The following KAT6A variants were observed in gnomAD, a reference collection of about 807,000 sequenced individuals.
The protein encoded by KAT6A is histone acetyltransferase KAT6A.
A neutral mutation model predicts 198.4 loss-of-function variants in KAT6A; 9 were observed. The ratio of observed to expected loss-of-function variants is 0.05; its 90% confidence interval spans 0.03 to 0.08. The LOEUF (loss-of-function observed/expected upper bound fraction) is 0.08, where lower values mean the gene tolerates loss of function less well. KAT6A is among the 10% of genes least tolerant of loss of function. The pLI is 1.00. For missense variants in KAT6A, 2,077 were observed against 2,509.9 expected (o/e 0.83, Z 3.69); for synonymous variants, 890 against 883.0 (o/e 1.01, Z -0.14).
chr8:41,957,617 TTA>T (rs1245895689), intron 8 of KAT6A: 1 of 223,804 alleles, frequency 4.5e-6, no homozygotes, highest in East Asian at 1.3e-4. Flanking sequence ...ATATGCCAAA[TTA>T]TTTAAAAGAA....
intron 2 of KAT6A, among the ~76,000 whole-genome samples, chr8:42,004,327 C>G (rs1323213084): frequency 6.6e-6 from 1 of 151,942 alleles, no homozygotes; most frequent in African/African-American, 2.4e-5. Context: ...CTGAAGGATT[C>G]AGGAAAAAAA....
intron 8 of KAT6A, among the ~76,000 whole-genome samples, chr8:41,968,928 A>G (rs537878291): frequency 1.7e-4 from 26 of 152,158 alleles, no homozygotes; most frequent in Non-Finnish European, 3.1e-4. Flanking sequence ...ATTAAAACCA[A>G]TAAGTGGCTG....
chr8:42,024,875 C>T (rs1826722997), intron 2 of KAT6A, among the ~76,000 whole-genome samples: 1 of 152,064 alleles, frequency 6.6e-6, no homozygotes, highest in Non-Finnish European at 1.5e-5. Flanking sequence ...GATTCCATAT[C>T]TTGGCTATTG....
At chr8:41,942,635 C>T in intron 14 of KAT6A, 158 bp downstream of exon 14, 3 of 790,852 alleles carry the variant, frequency 3.8e-6, no homozygotes, top group Admixed American at 3.0e-5. Flanking sequence ...AAACCAGGTC[C>T]AGTCTTCTTG....
chr8:42,032,058 T>C (rs1827159098), intron 2 of KAT6A, among the ~76,000 whole-genome samples: 1 of 151,904 alleles, frequency 6.6e-6, no homozygotes, highest in Non-Finnish European at 1.5e-5. Flanking sequence ...GCCTCCCGAG[T>C]AGCTGGGACT....
intron 2 of KAT6A, among the ~76,000 whole-genome samples, chr8:42,039,572 G>GTAT (rs1419198927): frequency 1.3e-5 from 2 of 152,030 alleles, no homozygotes; most frequent in Non-Finnish European, 2.9e-5. Context: ...TGCTCTCCTA[G>GTAT]TATTAAACAT....
At chr8:41,982,698 T>C (rs2150890453) in intron 3 of KAT6A, among the ~76,000 whole-genome samples, 1 of 152,340 alleles carries the variant, frequency 6.6e-6, no homozygotes, top group African/African-American at 2.4e-5. Context: ...ATCACCATGC[T>C]AGTGTTATTA....
chr8:41,990,723 G>C (rs910189908), intron 2 of KAT6A, among the ~76,000 whole-genome samples: 3 of 152,182 alleles, frequency 2.0e-5, no homozygotes, highest in African/African-American at 7.2e-5. Context: ...GCCAAGTGCA[G>C]TGGCTCACAC....
At chr8:41,956,496 T>C (rs1196138258) in intron 8 of KAT6A, among the ~76,000 whole-genome samples, 1 of 152,234 alleles carries the variant, frequency 6.6e-6, no homozygotes, top group East Asian at 1.9e-4. Context: ...ACATATTTTA[T>C]AACAAAACTA....
chr8:42,001,852 G>A (rs1231382390), intron 2 of KAT6A, among the ~76,000 whole-genome samples: 1 of 152,180 alleles, frequency 6.6e-6, no homozygotes, highest in Admixed American at 6.5e-5. Context: ...CCTATAAAGA[G>A]AGCATCTTAG....
rs1824111979 is a variant in KAT6A, at chr8:41,977,342, A to G, written c.1044-15T>C. ...GACCTTTTGATCTAAACAATTAAAC[A>G]GGGGAAAGGGTAAGTATTAAAAAAG... On this transcript the variant is annotated splice_polypyrimidine_tract_variant and intron_variant, in intron 6 of 16. Coordinates refer to ENST00000265713, the MANE Select transcript of KAT6A (RefSeq NM_006766.5). 1 of 1,589,806 alleles carries G rather than the reference A, an allele frequency of 6.3e-7. No homozygotes were observed. The highest frequency in any genetic ancestry group is 1.4e-5 in the African/African-American group (1 of 73,944).
At position 42,048,955 on chromosome 8, in the gene KAT6A, A is replaced by C; in HGVS notation, c.23T>G (p.Leu8Arg). 1 of 1,613,156 alleles carries C rather than the reference A, an allele frequency of 6.2e-7. No homozygotes were observed. ...GGCCTCCAAAATCCACTCAGTATAA[A>C]GCGGGTTTGCGAGTTTTACCATGGT... is the stretch of plus-strand genomic sequence containing the variant. MVKLANPLYTEWILEAIK... is the reference protein window; with the variant it reads MVKLANPRYTEWILEAIK... The change falls in exon 2 of 17, where the codon CTT (leucine) becomes CGT (arginine). Residue 8 changes from leucine (L) to arginine (R), a missense_variant. Coordinates refer to ENST00000265713, the MANE Select transcript of KAT6A (RefSeq NM_006766.5).
Position 42,001,348 on chromosome 8 carries a change from A to T in KAT6A, c.601-13785T>A, listed in dbSNP as rs183884417. Among the ~76,000 whole-genome samples the T allele has an allele frequency of 1.7e-3, 264 of 152,324 alleles. 1 individual carries two copies. The highest frequency in any genetic ancestry group is 6.2e-3 in the African/African-American group (257 of 41,576). ...ACATTAGTGTCTCTGTAACTAAGTAAGACAAAAACTTTTCTGCCTAAGAAA... is the reference window on the plus strand; with the variant it reads ...ACATTAGTGTCTCTGTAACTAAGTATGACAAAAACTTTTCTGCCTAAGAAA... On this transcript the variant is annotated intron_variant, in intron 2 of 16. Transcript: ENST00000265713.
chr8:41,981,264 GC>G (rs1261866604), intron 4 of KAT6A, among the ~76,000 whole-genome samples: 1 of 152,196 alleles, frequency 6.6e-6, no homozygotes, highest in Non-Finnish European at 1.5e-5. Flanking sequence ...GTTGCAGTGA[GC>G]CAAGATCGTG....
At chr8:42,039,909 T>C (rs1041493800) in intron 2 of KAT6A, among the ~76,000 whole-genome samples, 2 of 150,930 alleles carry the variant, frequency 1.3e-5, no homozygotes, top group African/African-American at 4.9e-5. Context: ...AATATTTTTT[T>C]TTTTTCTTTT....
intron 2 of KAT6A, among the ~76,000 whole-genome samples, chr8:42,007,989 T>TAAAAAAAAAAAAA (rs1564061372): frequency 1.6e-5 from 2 of 121,520 alleles, no homozygotes; most frequent in African/African-American, 6.4e-5. Flanking sequence ...AAAAAAAAAT[T>TAAAAAAAAAAAAA]TTTATTGTTA....
At chr8:42,024,464 T>C (rs575107042) in intron 2 of KAT6A, among the ~76,000 whole-genome samples, 41 of 152,326 alleles carry the variant, frequency 2.7e-4, no homozygotes, top group African/African-American at 9.6e-4. Context: ...CTTGAAATCT[T>C]CTAACTATTT....
rs1191370381 is a variant in KAT6A, at chr8:41,931,346, G to A, written c.*859C>T. Reference sequence around the variant, plus strand: ...AATCTCCTCTTTTTGATTGTTAATTGACCATCTCTATTCCTCCAAAGGCTG... The same window carrying A: ...AATCTCCTCTTTTTGATTGTTAATTAACCATCTCTATTCCTCCAAAGGCTG... On this transcript the variant is annotated 3_prime_UTR_variant, in exon 17 of 17. Transcript: ENST00000265713. 4.6e-6 allele frequency: 1 copy of A among 217,462 alleles called. No homozygotes were observed. 13.5% of individuals were successfully genotyped at this position (217,462 alleles called of 1,614,324 possible). A position where few individuals can be genotyped will look rare whatever the true frequency, so the allele number is the denominator to read the frequency against.
At chr8:41,990,809 T>A (rs1048020729) in intron 2 of KAT6A, among the ~76,000 whole-genome samples, 3 of 151,972 alleles carry the variant, frequency 2.0e-5, no homozygotes, top group Non-Finnish European at 4.4e-5. Context: ...CTGGCCAACA[T>A]GGTAAAACCC....
Sources: allele counts gnomAD v4.1 joint callset (sites outside exome capture counted in the v4.1 genomes callset), GRCh38; gene constraint gnomAD v4.1.1; transcripts MANE v1.5; gene names NCBI Gene and HGNC (gene_info 2026-07-23, HGNC 2026-07-21).